The following MFN2 variants were observed in gnomAD, a reference collection of about 807,000 sequenced individuals.
MFN2 encodes mitofusin 2, also known as mitofusin-2.
MFN2 carries 43 observed loss-of-function variants against 87.5 expected under a neutral mutation model. The ratio of observed to expected loss-of-function variants is 0.49; its 90% CI spans 0.38 to 0.63. The LOEUF (loss-of-function observed/expected upper bound fraction) is 0.63, where lower values mean the gene tolerates loss of function less well. Ranked by LOEUF, MFN2 falls within the 30% of genes least tolerant of loss-of-function variation. The pLI is 0.00. For missense variants in MFN2, 743 were observed against 972.8 expected (o/e 0.76, Z 3.14); for synonymous variants, 337 against 359.9 (o/e 0.94, Z 0.72).
At position 12,005,913 on chromosome 1, in the gene MFN2, G is replaced by A; in HGVS notation, c.1698G>A (p.Leu566=). The A allele has an allele frequency of 6.2e-7, 1 of 1,613,770 alleles. No individual in the cohort carries two copies. Among genetic ancestry groups the A allele is most frequent in the Non-Finnish European group, 8.5e-7 (1 of 1,180,014 alleles). ...FLGPKNSRRA[L]MGYNDQVQRP... ...GCCCCAAGAACAGCCGTCGGGCCTT[G>A]ATGGGCTACAATGACCAGGCAAGCA... Residue 566 remains leucine, a synonymous_variant, in exon 15 of 19, where the codon TTG becomes TTA. Transcript: ENST00000235329.
Position 12,004,387 on chromosome 1 carries a change from G to A in MFN2, c.1288-122G>A, listed in dbSNP as rs1639310077. Reference sequence around the variant, plus strand: ...ACTTCAGAGGCTTTAATTCCATAGAGGAGCTGAGGAGGCTGCTGGTTTGAG... The same window carrying A: ...ACTTCAGAGGCTTTAATTCCATAGAAGAGCTGAGGAGGCTGCTGGTTTGAG... On this transcript the variant is annotated intron_variant, in intron 12 of 18. Coordinates refer to ENST00000235329, the MANE Select transcript of MFN2 (RefSeq NM_014874.4). This position sits in a 1 kb window ranked among gnomAD's most constrained non-coding sequence, Gnocchi z 4.2. The A allele has an allele frequency of 1.0e-6, 1 of 977,306 alleles. No individual in the cohort carries two copies. The highest frequency in any genetic ancestry group is 1.6e-5 in the African/African-American group (1 of 62,800). The allele number at this position is 977,306 out of a possible 1,614,324, so 60.5% of individuals were successfully genotyped here. A position where few individuals can be genotyped will look rare whatever the true frequency, so the allele number is the denominator to read the frequency against.
intron 17 of MFN2, among the ~76,000 whole-genome samples, 157 bp from the exon 18 acceptor site, chr1:12,009,435 A>T (rs1639591606): frequency 6.6e-6 from 1 of 152,172 alleles, no homozygotes; most frequent in African/African-American, 2.4e-5. Flanking sequence ...CAGTCTCAGC[A>T]GGGTGTAGGA....
chr1:12,006,905 G>A (rs1639447704), intron 16 of MFN2, 148 bp from the exon 17 acceptor site: 2 of 1,292,444 alleles, frequency 1.5e-6, no homozygotes, highest in Non-Finnish European at 2.2e-6. Context: ...GCCTCGGTGG[G>A]ATCAAAGGAG....
At position 12,004,474 on chromosome 1, in the gene MFN2, C is replaced by T; in HGVS notation, c.1288-35C>T. ...GCTGCAGGAGTGAACTTTGGTCTTC[C>T]TTGATACTTAACAGTGTGCTTCCTT... On this transcript the variant is annotated intron_variant, in intron 12 of 18. Coordinates refer to ENST00000235329, the MANE Select transcript of MFN2 (RefSeq NM_014874.4). This position sits in a 1 kb window ranked among gnomAD's most constrained non-coding sequence, Gnocchi z 4.2. 1 of 1,590,488 alleles carries T rather than the reference C, an allele frequency of 6.3e-7. No homozygotes were observed. The highest frequency in any genetic ancestry group is 1.1e-5 in the South Asian group (1 of 90,620).
intron 17 of MFN2, among the ~76,000 whole-genome samples, chr1:12,008,407 G>A (rs1380253936): frequency 8.0e-5 from 9 of 112,538 alleles, no homozygotes; most frequent in Admixed American, 3.3e-4. Flanking sequence ...CGGGGTGGCT[G>A]GCCGGGCGGG....
chr1:11,981,658 G>A (rs140891596), intron 1 of MFN2, among the ~76,000 whole-genome samples: 1 of 152,310 alleles, frequency 6.6e-6, no homozygotes, highest in Non-Finnish European at 1.5e-5. Context: ...GCCCAGTTTT[G>A]TTCCTAGTTT....
At chr1:11,998,084 A>G (rs1168300779) in intron 6 of MFN2, among the ~76,000 whole-genome samples, 7 of 150,224 alleles carry the variant, frequency 4.7e-5, no homozygotes, top group Non-Finnish European at 7.4e-5. Context: ...GGGTTTCACC[A>G]TGTTGGCCAG....
At chr1:11,995,855 C>T (rs1332204274) in intron 4 of MFN2, among the ~76,000 whole-genome samples, 2 of 152,068 alleles carry the variant, frequency 1.3e-5, no homozygotes, top group African/African-American at 4.8e-5. Context: ...ACTTTGGAGA[C>T]AGACAGACAG....
At chr1:11,996,410 C>T (rs1638910305) in intron 5 of MFN2, 92 bp downstream of exon 5, 6 of 1,453,596 alleles carry the variant, frequency 4.1e-6, no homozygotes, top group East Asian at 4.6e-5. Context: ...AGGGAGGGGG[C>T]AGCACCACCC....
chr1:11,981,395 C>T lies in MFN2; in HGVS notation c.-149-575C>T, dbSNP rs1482414491. Among the ~76,000 whole-genome samples the T allele has an allele frequency of 2.0e-5, 3 of 152,176 alleles. No individual in the cohort carries two copies. The South Asian group carries it at 6.2e-4, about 31-fold the overall frequency. ...GCACACGCCTGTAATCCCATCTACTCAGGAGGCTGAGGCAGGAGAATCGCT... is the reference window on the plus strand; with the variant it reads ...GCACACGCCTGTAATCCCATCTACTTAGGAGGCTGAGGCAGGAGAATCGCT... On this transcript the variant is annotated intron_variant, in intron 1 of 18. Coordinates refer to ENST00000235329, the MANE Select transcript of MFN2 (RefSeq NM_014874.4).
chr1:11,993,524 A>G (rs1323979433), intron 4 of MFN2, among the ~76,000 whole-genome samples: 1 of 152,270 alleles, frequency 6.6e-6, no homozygotes, highest in East Asian at 1.9e-4. Context: ...TCACGAGGTC[A>G]GGAGATCGAG....
intron 2 of MFN2, among the ~76,000 whole-genome samples, chr1:11,984,168 T>C (rs1638289902): frequency 1.3e-5 from 2 of 152,202 alleles, no homozygotes; most frequent in Admixed American, 6.5e-5. Flanking sequence ...CTTGCAAACA[T>C]TGACCAGAAC....
At position 12,013,432 on chromosome 1, in the gene MFN2, G is replaced by A. The variant is rs763836872; in HGVS notation, c.*1867G>A. The A allele has an allele frequency of 4.3e-6, 2 of 463,506 alleles. No individual in the cohort carries two copies. The highest frequency in any genetic ancestry group is 3.2e-5 in the South Asian group (2 of 62,322). The allele number at this position is 463,506 out of a possible 1,614,324, so 28.7% of individuals were successfully genotyped here. The stretch of plus-strand genomic sequence containing the variant: ...GTGAGTTTTCTCTGATGTATTTAAG[G>A]TGATGTATTTGCTTGAGTTACTCCT... On this transcript the variant is annotated 3_prime_UTR_variant, in exon 19 of 19. Transcript: ENST00000235329.
intron 18 of MFN2, among the ~76,000 whole-genome samples, chr1:12,010,185 G>A (rs1272368500): frequency 6.6e-6 from 1 of 152,144 alleles, no homozygotes; most frequent in African/African-American, 2.4e-5. Flanking sequence ...TGTGTACCAC[G>A]TACCTCATGG....
chr1:11,997,879 CTTT>C (rs768355266), intron 6 of MFN2, among the ~76,000 whole-genome samples: 1 of 95,836 alleles, frequency 1.0e-5, no homozygotes, highest in Admixed American at 1.3e-4. Flanking sequence ...TGTATATCAT[CTTT>C]TTTTTTTTTT....
chr1:11,980,932 A>G (rs2100778889), intron 1 of MFN2, among the ~76,000 whole-genome samples: 1 of 152,270 alleles, frequency 6.6e-6, no homozygotes, highest in East Asian at 1.9e-4. Flanking sequence ...GGAGGGCAGG[A>G]CTGTTTCTTA....
chr1:11,996,400 AG>A, intron 5 of MFN2, 82 bp downstream of exon 5: 1 of 1,538,168 alleles, frequency 6.5e-7, no homozygotes, highest in South Asian at 1.1e-5. Flanking sequence ...CCTCACCTCT[AG>A]GGAGGGGGCA....
rs759251276 is a variant in MFN2 at position 12,004,620 on chromosome 1, C to A, written c.1392+7C>A. On this transcript the variant is annotated splice_region_variant and intron_variant, in intron 13 of 18. Transcript: ENST00000235329. The surrounding 1 kb of genome is among the most constrained non-coding windows in gnomAD (Gnocchi z 4.2). ...CCTCAAGGTTTATAAGAATGTGAGT[C>A]ATGGAGCAACAGGTCCTCTTGGCAG... 3.1e-6 allele frequency: 5 copies of A among 1,611,984 alleles called. No individual in the cohort carries two copies. In the East Asian group the frequency reaches 1.1e-4, roughly 36 times the overall value.
chr1:12,011,852 G>T lies in MFN2; in HGVS notation c.*287G>T. ...TTGAGGCTTTTTCCAGCTTTCTCTG[G>T]TTCATTTGATTGCTTGATAAGGCCT... On this transcript the variant is annotated 3_prime_UTR_variant, in exon 19 of 19. Transcript: ENST00000235329. 1 of 520,370 alleles carries T rather than the reference G, an allele frequency of 1.9e-6. No individual in the cohort carries two copies. 32.2% of individuals were successfully genotyped at this position (520,370 alleles called of 1,614,324 possible).
Sources: gnomAD v4.1 joint callset for allele counts (sites outside exome capture counted in the v4.1 genomes callset) on GRCh38, gnomAD v4.1.1 for gene constraint, Gnocchi (gnomAD v3.1) non-coding constraint, MANE v1.5 for transcripts, NCBI Gene and HGNC (gene_info 2026-07-23, HGNC 2026-07-21) for gene names.